Variants in GRAMD4 observed in about 807,000 individuals in gnomAD.
GRAMD4 encodes the protein GRAM domain containing 4.
Under a neutral mutation model 83.9 loss-of-function variants are expected in GRAMD4, and 25 were observed. The ratio of observed to expected loss-of-function variants is 0.30; its 90% CI spans 0.22 to 0.42. The LOEUF is 0.42. Among genes scored for constraint, GRAMD4 ranks in the 10% least tolerant of loss-of-function variants. The probability of loss-of-function intolerance (pLI) is 1.00; values close to 1 mark genes in which losing one functional copy is unlikely to be tolerated. For missense variants in GRAMD4, 593 were observed against 788.7 expected, an observed-to-expected ratio of 0.75 and a Z score of 2.97; for synonymous variants, 336 against 320.9, an observed-to-expected ratio of 1.05 and a Z score of -0.50.
intron 3 of GRAMD4, among the ~76,000 whole-genome samples, chr22:46,649,935 T>C (rs2082139624): frequency 6.6e-6 from 1 of 152,080 alleles, no homozygotes; most frequent in African/African-American, 2.4e-5. Context: ...AGCCTGGTGA[T>C]TCGATGGAGG....
upstream of GRAMD4, among the ~76,000 whole-genome samples, chr22:46,576,797 G>A (rs1834254157): frequency 6.7e-6 from 1 of 149,848 alleles, no homozygotes; most frequent in African/African-American, 2.4e-5. Flanking sequence ...GTGCTCCCGC[G>A]GGTGAGCCCG....
At chr22:46,613,364 G>A (rs1364337104) in intron 1 of GRAMD4, among the ~76,000 whole-genome samples, 2 of 152,218 alleles carry the variant, frequency 1.3e-5, no homozygotes, top group South Asian at 2.1e-4. Context: ...TCCACTCCTC[G>A]AGGCTCTCCA....
chr22:46,602,989 C>A (rs2081326628), intron 1 of GRAMD4, among the ~76,000 whole-genome samples: 1 of 151,928 alleles, frequency 6.6e-6, no homozygotes. Flanking sequence ...TATCTGCCTG[C>A]CTTGGCCTCC....
intron 17 of GRAMD4, 136 bp from the exon 18 acceptor site, chr22:46,676,464 T>G: frequency 4.4e-6 from 3 of 683,698 alleles, no homozygotes; most frequent in Non-Finnish European, 7.6e-6. Context: ...TTACCTTCTG[T>G]TGTTTGGAAG....
intron 8 of GRAMD4, among the ~76,000 whole-genome samples, chr22:46,664,680 C>T (rs978200826): frequency 2.0e-5 from 3 of 152,204 alleles, no homozygotes; most frequent in South Asian, 2.1e-4. Context: ...ACTTGGTCCT[C>T]GGGGGGAGCC....
At chr22:46,616,455 C>A, upstream of GRAMD4, among the ~76,000 whole-genome samples, 1 of 129,690 alleles carries the variant, frequency 7.7e-6, no homozygotes, top group Non-Finnish European at 1.6e-5. Flanking sequence ...CGTGTAGGTT[C>A]CCCCGTGTGT....
chr22:46,650,254 T>G (rs2082143944), intron 3 of GRAMD4, among the ~76,000 whole-genome samples: 1 of 152,126 alleles, frequency 6.6e-6, no homozygotes, highest in African/African-American at 2.4e-5. Context: ...TTTACAGGTT[T>G]AAAAATAGCC....
intron 3 of GRAMD4, among the ~76,000 whole-genome samples, chr22:46,651,443 G>T (rs574373206): frequency 6.6e-6 from 1 of 152,356 alleles, no homozygotes; most frequent in Admixed American, 6.5e-5. Context: ...TGACTTTCTG[G>T]TCTGATGTTG....
chr22:46,581,399 C>T lies in GRAMD4; in HGVS notation c.-50+4109C>T, dbSNP rs955944464. On this transcript the variant is annotated intron_variant, in intron 1 of 1. Transcript: ENST00000431155. ...AGGCACCGGGAGGCAGTGCCACTTGCCTAAGTCCCCAGTTCGTTCCCGAGC... is the reference window on the plus strand; with the variant it reads ...AGGCACCGGGAGGCAGTGCCACTTGTCTAAGTCCCCAGTTCGTTCCCGAGC... 3.3e-5 allele frequency among the ~76,000 whole-genome samples: 5 copies of T among 152,360 alleles called. No homozygotes were observed. In the East Asian group the frequency reaches 7.7e-4, roughly 24 times the overall value.
intron 1 of GRAMD4, among the ~76,000 whole-genome samples, chr22:46,583,596 C>G (rs2081118459): frequency 6.6e-6 from 1 of 152,212 alleles, no homozygotes; most frequent in Non-Finnish European, 1.5e-5. Flanking sequence ...GATCTCCATC[C>G]ATTGGAATTT....
intron 1 of GRAMD4, among the ~76,000 whole-genome samples, chr22:46,584,215 C>G (rs867827637): frequency 6.6e-6 from 1 of 152,132 alleles, no homozygotes; most frequent in African/African-American, 2.4e-5. Context: ...TCAGCCCCTT[C>G]TGCAGGGAGC....
At chr22:46,609,606 A>C (rs1227258961) in intron 1 of GRAMD4, among the ~76,000 whole-genome samples, 6 of 152,184 alleles carry the variant, frequency 3.9e-5, no homozygotes. Flanking sequence ...ATTTGCTGCC[A>C]GTTCTTTGGT....
At chr22:46,627,111 C>T (rs995175336) in intron 2 of GRAMD4, 150 bp downstream of exon 2, 2 of 608,662 alleles carry the variant, frequency 3.3e-6, no homozygotes, top group Non-Finnish European at 5.8e-6. Context: ...CTGCTCCCGA[C>T]CCCTGCAGAC....
rs181308965 is a variant in GRAMD4 at position 46,645,416 on chromosome 22, G to A, written c.283+7456G>A. Among the ~76,000 whole-genome samples the A allele has an allele frequency of 5.9e-5, 9 of 152,194 alleles. No homozygotes were observed. The East Asian group carries it at 1.4e-3, about 23-fold the overall frequency. ...TGCCTCGCCTGACCTGCAGGAGGGC[G>A]TGCTGACATGGAGAGCTGTGTTCAG... On this transcript the variant is annotated intron_variant, in intron 3 of 18. Coordinates refer to ENST00000406902, the MANE Select transcript of GRAMD4 (RefSeq NM_015124.5).
At chr22:46,604,731 AC>A (rs2081348691) in intron 1 of GRAMD4, among the ~76,000 whole-genome samples, 1 of 152,258 alleles carries the variant, frequency 6.6e-6, no homozygotes, top group Admixed American at 6.5e-5. Context: ...CTCTGGGTTC[AC>A]CCAGGTTCTG....
intron 2 of GRAMD4, among the ~76,000 whole-genome samples, chr22:46,633,940 C>T (rs2081818167): frequency 1.3e-5 from 2 of 152,218 alleles, no homozygotes; most frequent in South Asian, 4.1e-4. Flanking sequence ...TCTCCCAGGC[C>T]AGGCCTCCAT....
intron 1 of GRAMD4, among the ~76,000 whole-genome samples, chr22:46,587,653 C>T (rs973770506): frequency 3.3e-5 from 5 of 152,118 alleles, no homozygotes; most frequent in African/African-American, 1.2e-4. Context: ...CCTGTCCTGT[C>T]CTGTCCTGTC....
At chr22:46,670,291 C>T (rs764187245) in intron 13 of GRAMD4, among the ~76,000 whole-genome samples, 79 of 152,380 alleles carry the variant, frequency 5.2e-4, no homozygotes, top group Non-Finnish European at 9.7e-4. Context: ...CCTCTCTGGA[C>T]GCAGCACGGC....
chr22:46,615,970 G>T (rs1335663381), upstream of GRAMD4, among the ~76,000 whole-genome samples: 2 of 141,562 alleles, frequency 1.4e-5, no homozygotes, highest in Non-Finnish European at 3.0e-5. Context: ...TCCCCCCTGT[G>T]TAGGTTCCCC....
Sources: allele counts gnomAD v4.1 joint callset (sites outside exome capture counted in the v4.1 genomes callset), GRCh38; gene constraint gnomAD v4.1.1; transcripts MANE v1.5; gene names NCBI Gene and HGNC (gene_info 2026-07-23, HGNC 2026-07-21).